CDK17: variants seen among roughly 807,000 people sequenced by gnomAD.
CDK17 encodes cyclin-dependent kinase 17.
In CDK17, 24 loss-of-function variants were observed where a neutral mutation model predicts 77.6. The observed-to-expected ratio is 0.31, with a 90% CI of 0.22 to 0.44. The LOEUF (loss-of-function observed/expected upper bound fraction) is 0.44, where lower values mean the gene tolerates loss of function less well. CDK17 is among the 20% of genes least tolerant of loss of function. The pLI, the probability that CDK17 is intolerant of heterozygous loss-of-function variation, is 1.00. For synonymous variants in CDK17, 203 were observed against 210.4 expected (o/e 0.96, Z 0.30); for missense variants, 429 against 622.5 (o/e 0.69, Z 3.31).
At chr12:96,309,423 A>G (rs1952618750) in intron 5 of CDK17, among the ~76,000 whole-genome samples, 1 of 152,216 alleles carries the variant, frequency 6.6e-6, no homozygotes, top group Admixed American at 6.5e-5. Context: ...TATCTCTACT[A>G]CAGGACTATA....
At chr12:96,361,299 G>C (rs1245702454) in intron 1 of CDK17, among the ~76,000 whole-genome samples, 1 of 152,196 alleles carries the variant, frequency 6.6e-6, no homozygotes, top group African/African-American at 2.4e-5. Flanking sequence ...TGTTGCTGTG[G>C]AGACATGAAC....
chr12:96,307,995 T>A (rs1381294497), intron 5 of CDK17, among the ~76,000 whole-genome samples: 1 of 152,180 alleles, frequency 6.6e-6, no homozygotes, highest in Non-Finnish European at 1.5e-5. Flanking sequence ...CTGGTGAATG[T>A]CAAATAACAA....
chr12:96,348,120 T>C (rs1953252697), intron 1 of CDK17, among the ~76,000 whole-genome samples: 2 of 151,612 alleles, frequency 1.3e-5, no homozygotes, highest in African/African-American at 4.9e-5. Flanking sequence ...GTACACTTTA[T>C]AGAATTAGAA....
At chr12:96,384,978 C>A (rs1271090975) in intron 1 of CDK17, among the ~76,000 whole-genome samples, 3 of 149,244 alleles carry the variant, frequency 2.0e-5, no homozygotes, top group Non-Finnish European at 4.4e-5. Context: ...CCACTGCCTT[C>A]CAGTCAGGGT....
intron 1 of CDK17, among the ~76,000 whole-genome samples, chr12:96,373,985 G>C (rs1226656939): frequency 6.6e-6 from 1 of 152,100 alleles, no homozygotes; most frequent in Non-Finnish European, 1.5e-5. Flanking sequence ...AAGGATGTGA[G>C]ATCTAAATCA....
chr12:96,337,720 T>C (rs1202636059), intron 1 of CDK17, among the ~76,000 whole-genome samples: 1 of 152,218 alleles, frequency 6.6e-6, no homozygotes, highest in Non-Finnish European at 1.5e-5. Context: ...ACACTAGATA[T>C]TTAAGTTGTA....
intron 1 of CDK17, among the ~76,000 whole-genome samples, chr12:96,341,460 G>A (rs1158069990): frequency 6.6e-6 from 1 of 152,032 alleles, no homozygotes. Context: ...GGCAGTAAAG[G>A]GTTACAGAAT....
At chr12:96,298,159 C>T (rs1305836240) in intron 7 of CDK17, among the ~76,000 whole-genome samples, 1 of 151,892 alleles carries the variant, frequency 6.6e-6, no homozygotes, top group African/African-American at 2.4e-5. Context: ...TGATGGCGGA[C>T]GCCTGTAGTT....
chr12:96,347,580 G>A (rs1415136750), intron 1 of CDK17, among the ~76,000 whole-genome samples: 2 of 69,654 alleles, frequency 2.9e-5, no homozygotes, highest in Non-Finnish European at 5.5e-5. Flanking sequence ...AGGGAAGGGA[G>A]GGGAGGGGAG....
intron 1 of CDK17, among the ~76,000 whole-genome samples, chr12:96,393,511 T>C (rs113648511): frequency 0.029 from 4,408 of 152,050 alleles, 101 homozygotes; most frequent in Non-Finnish European, 0.044. Flanking sequence ...GGCAGGCAGA[T>C]TGCTTGAGCT....
At chr12:96,304,048 T>C (rs979461418) in intron 5 of CDK17, among the ~76,000 whole-genome samples, 4 of 152,168 alleles carry the variant, frequency 2.6e-5, no homozygotes, top group Admixed American at 1.3e-4. Context: ...TAATACACTG[T>C]AATAAAAGTT....
chr12:96,371,330 C>A (rs1450083351), intron 1 of CDK17, among the ~76,000 whole-genome samples: 3 of 152,084 alleles, frequency 2.0e-5, no homozygotes, highest in Non-Finnish European at 4.4e-5. Context: ...ATATCATGAC[C>A]CACTGACGTA....
At chr12:96,343,636 A>G (rs186939282) in intron 1 of CDK17, among the ~76,000 whole-genome samples, 1 of 152,364 alleles carries the variant, frequency 6.6e-6, no homozygotes, top group East Asian at 1.9e-4. Context: ...AGATAATGTA[A>G]TAGAAACTTC....
chr12:96,392,584 A>G (rs1181061694), intron 1 of CDK17, among the ~76,000 whole-genome samples: 1 of 152,234 alleles, frequency 6.6e-6, no homozygotes, highest in African/African-American at 2.4e-5. Context: ...GGAAATGAGC[A>G]TAACAGAAAA....
At chr12:96,297,441 G>A (rs928693467) in intron 8 of CDK17, 109 bp from the exon 9 acceptor site, 5 of 769,094 alleles carry the variant, frequency 6.5e-6, no homozygotes, top group Non-Finnish European at 1.1e-5. Flanking sequence ...AAAGATACTG[G>A]ATGCACCATA....
At chr12:96,390,449 C>T (rs1954048834) in intron 1 of CDK17, among the ~76,000 whole-genome samples, 1 of 148,676 alleles carries the variant, frequency 6.7e-6, no homozygotes, top group Non-Finnish European at 1.5e-5. Context: ...TGGCTCACGC[C>T]TTTAATCCCA....
chr12:96,377,905 G>T (rs900647365), intron 1 of CDK17, among the ~76,000 whole-genome samples: 1 of 152,134 alleles, frequency 6.6e-6, no homozygotes, highest in East Asian at 1.9e-4. Context: ...GTGTTAGCCA[G>T]GATGGTCTTG....
intron 1 of CDK17, among the ~76,000 whole-genome samples, chr12:96,388,191 T>C (rs748470611): frequency 6.6e-5 from 10 of 151,768 alleles, no homozygotes; most frequent in South Asian, 2.1e-4. Context: ...ACTATTAAGA[T>C]GTCAAGTAAA....
intron 1 of CDK17, among the ~76,000 whole-genome samples, chr12:96,383,628 C>T (rs10860029): frequency 0.31 from 46,873 of 151,900 alleles, 7,572 homozygotes; most frequent in East Asian, 0.57. Flanking sequence ...CAACCACAAC[C>T]GTCTGATCGT....
Sources: allele counts gnomAD v4.1 joint callset (sites outside exome capture counted in the v4.1 genomes callset), GRCh38; gene constraint gnomAD v4.1.1; transcripts MANE v1.5; gene names NCBI Gene and HGNC (gene_info 2026-07-23, HGNC 2026-07-21).